The following NPAS1 variants were observed in gnomAD, a reference collection of about 807,000 sequenced individuals.
NPAS1 encodes the protein neuronal PAS domain-containing protein 1.
Under a neutral mutation model 49.2 loss-of-function variants are expected in NPAS1, and 29 were observed. The observed-to-expected ratio is 0.59, with a 90% CI of 0.44 to 0.80. The LOEUF is 0.80. NPAS1 is among the 30% of genes least tolerant of loss of function. The probability of loss-of-function intolerance (pLI) is 0.00; values close to 1 mark genes in which losing one functional copy is unlikely to be tolerated. For missense variants in NPAS1, 825 were observed against 835.5 expected, an observed-to-expected ratio of 0.99 and a Z score of 0.15; for synonymous variants, 408 against 380.4, an observed-to-expected ratio of 1.07 and a Z score of -0.84.
chr19:47,045,763 G>C lies in NPAS1; in HGVS notation c.*112G>C. On this transcript the variant is annotated 3_prime_UTR_variant, in exon 12 of 12. Transcript: ENST00000602212. The stretch of plus-strand genomic sequence containing the variant: ...TTAAACGCCGGCTCTCCCTGCAGTG[G>C]TTTGGGCTCCGGGCTGTGAGCTCCT... 4.5e-6 allele frequency: 5 copies of C among 1,104,404 alleles called. No homozygotes were observed. In the South Asian group the frequency reaches 8.7e-5, roughly 19 times the overall value. The allele number at this position is 1,104,404 out of a possible 1,614,324, so 68.4% of individuals were successfully genotyped here. A position where few individuals can be genotyped will look rare whatever the true frequency, so the allele number is the denominator to read the frequency against.
At chr19:47,020,475 G>GA (rs1404913364) in intron 1 of NPAS1, among the ~76,000 whole-genome samples, 1 of 151,954 alleles carries the variant, frequency 6.6e-6, no homozygotes, top group Non-Finnish European at 1.5e-5. Context: ...AGGCTGGGGG[G>GA]ATCCCTGGGC....
At chr19:47,044,905 C>T (rs926924811) in intron 11 of NPAS1, among the ~76,000 whole-genome samples, 3 of 152,120 alleles carry the variant, frequency 2.0e-5, no homozygotes, top group Non-Finnish European at 2.9e-5. Flanking sequence ...TGGCACACAC[C>T]TGTAATCCCA....
At chr19:47,024,272 G>A (rs138556296) in intron 3 of NPAS1, among the ~76,000 whole-genome samples, 1 of 152,178 alleles carries the variant, frequency 6.6e-6, no homozygotes, top group African/African-American at 2.4e-5. Flanking sequence ...GGGCAACAGA[G>A]CAAGACTCAG....
chr19:47,028,856 C>G (rs8111259), intron 3 of NPAS1, among the ~76,000 whole-genome samples: 3,578 of 152,172 alleles, frequency 0.024, 114 homozygotes, highest in African/African-American at 0.073. Context: ...CAGGGTCACC[C>G]AGGGGTCCTG....
At chr19:47,033,935 C>T (rs890582135) in intron 5 of NPAS1, among the ~76,000 whole-genome samples, 3 of 131,442 alleles carry the variant, frequency 2.3e-5, no homozygotes, top group Non-Finnish European at 4.7e-5. Context: ...ATGATGAAGC[C>T]ACTGCACTCC....
chr19:47,035,024 A>G (rs1599906949), intron 5 of NPAS1, among the ~76,000 whole-genome samples: 2 of 151,624 alleles, frequency 1.3e-5, no homozygotes, highest in African/African-American at 2.4e-5. Flanking sequence ...TGTACTAAAA[A>G]TACAAAATTA....
chr19:47,029,042 AT>A (rs371616085), intron 3 of NPAS1, among the ~76,000 whole-genome samples: 57 of 144,058 alleles, frequency 4.0e-4, no homozygotes, highest in South Asian at 2.2e-4. Flanking sequence ...CTCCATGTCT[AT>A]TTTTTTTTTT....
intron 3 of NPAS1, among the ~76,000 whole-genome samples, chr19:47,024,047 G>C (rs959253287): frequency 5.3e-5 from 8 of 151,708 alleles, no homozygotes; most frequent in African/African-American, 1.7e-4. Context: ...GGAGATTGCA[G>C]TGAGCCGAGA....
At position 47,045,251 on chromosome 19, in the gene NPAS1, C is replaced by T; in HGVS notation, c.1373C>T (p.Thr458Ile). ...AAPAENEAPQTQGKRIKVEPG... is the reference protein window; with the variant it reads ...AAPAENEAPQIQGKRIKVEPG... ...CCAGCGGAGAACGAGGCCCCCCAGA[C>T]CCAGGGCAAACGCATCAAAGTGGAG... The change falls in exon 12 of 12, where the codon ACC (threonine) becomes ATC (isoleucine). Residue 458 changes from threonine to isoleucine, a missense_variant. Transcript: ENST00000602212. 6.2e-7 allele frequency: 1 copy of T among 1,613,998 alleles called. No individual in the cohort carries two copies. Among genetic ancestry groups the T allele is most frequent in the Non-Finnish European group, 8.5e-7 (1 of 1,180,000 alleles).
At chr19:47,041,312 G>A (rs888074401) in intron 10 of NPAS1, among the ~76,000 whole-genome samples, 187 bp downstream of exon 10, 1 of 152,162 alleles carries the variant, frequency 6.6e-6, no homozygotes, top group Non-Finnish European at 1.5e-5. Context: ...GCTGGCAGGA[G>A]ACAGAGAGGA....
Position 47,021,909 on chromosome 19 carries a change from G to C in NPAS1, c.358+62G>C, listed in dbSNP as rs976800790. On this transcript the variant is annotated intron_variant, in intron 3 of 11. Transcript: ENST00000602212. The surrounding 1 kb of genome is among the most constrained non-coding windows in gnomAD (Gnocchi z 5.7). ...CTCCAGGCGGAGTCACTGCAGCCCA[G>C]ATCCGGGCTGCGGGCCTGCCCTCGC... is the stretch of plus-strand genomic sequence containing the variant. 1.1e-5 allele frequency: 12 copies of C among 1,138,392 alleles called. No individual in the cohort carries two copies. Among genetic ancestry groups the C allele is most frequent in the Admixed American group, 3.7e-5 (1 of 27,192 alleles). The allele number at this position is 1,138,392 out of a possible 1,614,324, so 70.5% of individuals were successfully genotyped here. A position where few individuals can be genotyped will look rare whatever the true frequency, so the allele number is the denominator to read the frequency against.
chr19:47,023,276 AG>A (rs1254150605), intron 3 of NPAS1, among the ~76,000 whole-genome samples: 1 of 151,434 alleles, frequency 6.6e-6, no homozygotes, highest in Non-Finnish European at 1.5e-5. Flanking sequence ...AGGGGGGGAA[AG>A]GGGGGGCTAA....
At chr19:47,038,483 C>CGCAGTAGGCCGAGATCG (rs368947483) in intron 6 of NPAS1, among the ~76,000 whole-genome samples, 2 of 148,678 alleles carry the variant, frequency 1.3e-5, no homozygotes, top group East Asian at 2.0e-4. Context: ...TGCCACTGCA[C>CGCAGTAGGCCGAGATCG]TCTAGCCTGG....
In NPAS1 at chr19:47,039,082, C is replaced by T. The variant is rs763164838; in HGVS notation, c.735C>T (p.Arg245=). ...KVPPSSLVQE[R]SFFVRMKSTL... ...CCCCCTCCTCCCTGGTCCAGGAGCG[C>T]TCCTTCTTTGTCCGCATGAAATCCA... The change falls in exon 7 of 12, where the codon CGC becomes CGT. Residue 245 remains arginine, a synonymous_variant. Coordinates refer to ENST00000602212, the MANE Select transcript of NPAS1 (RefSeq NM_002517.4). The T allele has an allele frequency of 1.4e-5, 23 of 1,613,986 alleles. No individual in the cohort carries two copies. The highest frequency in any genetic ancestry group is 5.5e-5 in the South Asian group (5 of 91,072).
intron 6 of NPAS1, among the ~76,000 whole-genome samples, chr19:47,036,608 A>G (rs984401812): frequency 3.3e-5 from 5 of 152,046 alleles, no homozygotes; most frequent in Admixed American, 3.3e-4. Context: ...GTGGTGGCAC[A>G]AAGCTGTAGC....
At position 47,032,750 on chromosome 19, in the gene NPAS1, G is replaced by A. The variant is rs1447204578; in HGVS notation, c.522+18G>A. 8 of 1,587,840 alleles carry A rather than the reference G, an allele frequency of 5.0e-6. No individual in the cohort carries two copies. The highest frequency in any genetic ancestry group is 6.9e-6 in the Non-Finnish European group (8 of 1,156,434). Reference sequence around the variant, plus strand: ...TCTCACAGGTAAGGGACCCCCAGTGGACCTGGATTGGCTCAGCCACCATCT... The same window carrying A: ...TCTCACAGGTAAGGGACCCCCAGTGAACCTGGATTGGCTCAGCCACCATCT... On this transcript the variant is annotated intron_variant, in intron 5 of 11. Coordinates refer to ENST00000602212, the MANE Select transcript of NPAS1 (RefSeq NM_002517.4).
chr19:47,036,247 C>T (rs954306943), intron 6 of NPAS1, 118 bp downstream of exon 6: 12 of 1,088,128 alleles, frequency 1.1e-5, no homozygotes, highest in Non-Finnish European at 1.5e-5. Flanking sequence ...CTGTGTAGAA[C>T]GAATCTTTGC....
chr19:47,035,827 T>A lies in NPAS1; in HGVS notation c.523-137T>A, dbSNP rs78247703. 8.5e-4 allele frequency: 747 copies of A among 881,662 alleles called. 10 individuals carry two copies. The African/African-American group carries it at 0.012, about 14-fold the overall frequency. The allele number at this position is 881,662 out of a possible 1,614,324, so 54.6% of individuals were successfully genotyped here. ...TTGAAAGGTAATTGTTTTTTGTTTT[T>A]TTCTTTTCTTAAAAAAACACACTGG... is the stretch of plus-strand genomic sequence containing the variant. On this transcript the variant is annotated intron_variant, in intron 5 of 11. Coordinates refer to ENST00000602212, the MANE Select transcript of NPAS1 (RefSeq NM_002517.4).
At chr19:47,028,631 T>C (rs2056888458) in intron 3 of NPAS1, among the ~76,000 whole-genome samples, 1 of 152,130 alleles carries the variant, frequency 6.6e-6, no homozygotes, top group Admixed American at 6.5e-5. Flanking sequence ...CAAACCCGCT[T>C]GACAGAGGAG....
Sources: allele counts gnomAD v4.1 joint callset (sites outside exome capture counted in the v4.1 genomes callset), GRCh38; gene constraint gnomAD v4.1.1; non-coding constraint Gnocchi (gnomAD v3.1); transcripts MANE v1.5; gene names NCBI Gene and HGNC (gene_info 2026-07-23, HGNC 2026-07-21).